Variants in HIP1 observed in about 807,000 individuals in gnomAD.
HIP1 encodes huntingtin interacting protein 1, also known as huntingtin-interacting protein 1.
In HIP1, 65 loss-of-function variants were observed where a neutral mutation model predicts 147.6. The observed-to-expected ratio is 0.44, with a 90% confidence interval of 0.36 to 0.54. HIP1 has a LOEUF of 0.54. Ranked by LOEUF, HIP1 falls within the 20% of genes least tolerant of loss-of-function variation. HIP1 has a pLI of 0.00. For missense variants in HIP1, 1,061 were observed against 1,299.6 expected (o/e 0.82, Z 2.82); for synonymous variants, 479 against 504.0 (o/e 0.95, Z 0.67).
chr7:75,672,061 A>T, intron 1 of HIP1, among the ~76,000 whole-genome samples: 1 of 152,146 alleles, frequency 6.6e-6, no homozygotes, highest in East Asian at 1.9e-4. Flanking sequence ...TATAGTAGCC[A>T]TCCTAACAGA....
chr7:75,593,804 A>G (rs1169804489), intron 2 of HIP1, among the ~76,000 whole-genome samples: 1 of 151,770 alleles, frequency 6.6e-6, no homozygotes, highest in Non-Finnish European at 1.5e-5. Context: ...CTTTGTTTAA[A>G]ATGCCCTTTC....
intron 1 of HIP1, among the ~76,000 whole-genome samples, chr7:75,690,531 G>C (rs1800412789): frequency 6.6e-6 from 1 of 152,144 alleles, no homozygotes. Context: ...ATGTGCAATG[G>C]TGTGACCACA....
At chr7:75,579,377 C>A (rs1190905988) in intron 7 of HIP1, among the ~76,000 whole-genome samples, 1 of 151,910 alleles carries the variant, frequency 6.6e-6, no homozygotes, top group East Asian at 1.9e-4. Context: ...CTGCAAACTC[C>A]GCCTCCTGAG....
At chr7:75,646,275 C>T (rs191896950) in intron 1 of HIP1, among the ~76,000 whole-genome samples, 20 of 152,246 alleles carry the variant, frequency 1.3e-4, no homozygotes, top group Admixed American at 7.9e-4. Context: ...TTAGTAGAGA[C>T]GGGGTTTCAC....
chr7:75,567,277 G>C lies in HIP1; in HGVS notation c.803+922C>G, dbSNP rs112357442. Among the ~76,000 whole-genome samples, 27 of 151,014 alleles carry C rather than the reference G, an allele frequency of 1.8e-4. 1 individual carries two copies. Among genetic ancestry groups the C allele is most frequent in the African/African-American group, 5.9e-4 (24 of 40,526 alleles). On this transcript the variant is annotated intron_variant, in intron 9 of 30. Coordinates refer to ENST00000336926, the MANE Select transcript of HIP1 (RefSeq NM_005338.7). ...GGCATTCAGAAGTAAGGTCTGGCTA[G>C]AGATGCATATTTAGGGGTTATCAGT...
intron 1 of HIP1, chr7:75,625,588 C>T (rs1798007990): frequency 6.6e-6 from 1 of 152,204 alleles, no homozygotes; most frequent in African/African-American, 2.4e-5. Context: ...GAGCAAGGCC[C>T]AGAGTTGGGG....
At chr7:75,647,343 A>G (rs1224535866) in intron 1 of HIP1, among the ~76,000 whole-genome samples, 1 of 151,180 alleles carries the variant, frequency 6.6e-6, no homozygotes, top group Non-Finnish European at 1.5e-5. Context: ...AGTTGCAGTG[A>G]GCAGAGATCG....
intron 8 of HIP1, among the ~76,000 whole-genome samples, chr7:75,570,057 C>T (rs1243220059): frequency 6.6e-6 from 1 of 151,854 alleles, no homozygotes; most frequent in East Asian, 1.9e-4. Flanking sequence ...GCCTCAGCTC[C>T]CAAGCAGCTG....
intron 1 of HIP1, among the ~76,000 whole-genome samples, chr7:75,633,430 T>A (rs1313770352): frequency 6.6e-5 from 10 of 152,070 alleles, no homozygotes; most frequent in Non-Finnish European, 1.2e-4. Flanking sequence ...GCAGCTGGGA[T>A]TACAGGCGTG....
At chr7:75,614,742 G>GAA (rs71098041) in intron 1 of HIP1, among the ~76,000 whole-genome samples, 42,102 of 150,356 alleles carry the variant, frequency 0.28, 6,714 homozygotes, top group African/African-American at 0.44. Flanking sequence ...TTTGTCACAG[G>GAA]AAAAAAAAAG....
chr7:75,569,983 G>A (rs1795553635), intron 8 of HIP1, among the ~76,000 whole-genome samples: 1 of 151,176 alleles, frequency 6.6e-6, no homozygotes, highest in Admixed American at 6.6e-5. Flanking sequence ...TTGCCAGGCT[G>A]GAGGGCAGTG....
At position 75,541,702 on chromosome 7, in the gene HIP1, G is replaced by GA. The variant is rs1177076199; in HGVS notation, c.2952+216dup. On this transcript the variant is annotated intron_variant, in intron 29 of 30. Coordinates refer to ENST00000336926, the MANE Select transcript of HIP1 (RefSeq NM_005338.7). ...CAGGACGAGACTCCGTCTCAAAAAA[G>GA]AAAAAAAACAAAACAAGACAAACAA... Among the ~76,000 whole-genome samples, 103 of 123,756 alleles carry GA rather than the reference G, an allele frequency of 8.3e-4. 1 individual carries two copies. The highest frequency in any genetic ancestry group is 3.0e-3 in the African/African-American group (94 of 31,542). 81.2% of individuals were successfully genotyped at this position (123,756 alleles called of 152,430 possible). A position where few individuals can be genotyped will look rare whatever the true frequency, so the allele number is the denominator to read the frequency against.
At position 75,568,905 on chromosome 7, in the gene HIP1, AG is replaced by A; in HGVS notation, c.746-650del. ...GCGCCTGTAATCCCAGCTACTTGGGAGGCTGAGGCAGGAGAATTGCTTGAAC... is the reference window on the plus strand; with the variant it reads ...GCGCCTGTAATCCCAGCTACTTGGGAGCTGAGGCAGGAGAATTGCTTGAAC... On this transcript the variant is annotated intron_variant, in intron 8 of 30. Transcript: ENST00000336926. This position sits in a 1 kb window ranked among gnomAD's most constrained non-coding sequence, Gnocchi z 4.1. 6.6e-6 allele frequency among the ~76,000 whole-genome samples: 1 copy of A among 152,342 alleles called. No homozygotes were observed. The highest frequency in any genetic ancestry group is 1.9e-4 in the East Asian group (1 of 5,180).
chr7:75,640,091 C>A (rs546834921), intron 1 of HIP1, among the ~76,000 whole-genome samples: 1 of 152,352 alleles, frequency 6.6e-6, no homozygotes, highest in South Asian at 2.1e-4. Context: ...GCAGTAGACA[C>A]AGCTGGTGGC....
In HIP1 at chr7:75,556,706, T is replaced by C; in HGVS notation, c.1683+4A>G. 1 of 1,591,254 alleles carries C rather than the reference T, an allele frequency of 6.3e-7. No homozygotes were observed. The highest frequency in any genetic ancestry group is 8.6e-7 in the Non-Finnish European group (1 of 1,161,366). On this transcript the variant is annotated splice_donor_region_variant and intron_variant, in intron 17 of 30. Coordinates refer to ENST00000336926, the MANE Select transcript of HIP1 (RefSeq NM_005338.7). ...ATCTCCAAAAAAAAAAAGGAGGTAT[T>C]TACCTGGGCAGAAGTTTCCAGGCTG...
At chr7:75,673,144 C>T (rs1799776898) in intron 1 of HIP1, among the ~76,000 whole-genome samples, 1 of 151,844 alleles carries the variant, frequency 6.6e-6, no homozygotes, top group Middle Eastern at 3.2e-3. Flanking sequence ...GCCTCAGCCT[C>T]CCCAGTAGCT....
chr7:75,599,190 C>T lies in HIP1; in HGVS notation c.178G>A (p.Ala60Thr), dbSNP rs782733817. 1 of 1,611,592 alleles carries T rather than the reference C, an allele frequency of 6.2e-7. No homozygotes were observed. The highest frequency in any genetic ancestry group is 8.5e-7 in the Non-Finnish European group (1 of 1,177,740). The stretch of plus-strand genomic sequence containing the variant: ...GCAACATCCAAAAGGATATTTCTGG[C>T]GTGTTTTTCCTTTACAGCCACTTCC... ...TQEVAVKEKH[A>T]RTCILGTHHE... Residue 60 changes from alanine to threonine, a missense_variant, in exon 2 of 31, where the codon GCC becomes ACC. Physicochemically the swap from Ala to Thr is moderately conservative, Grantham distance 58. Transcript: ENST00000336926.
rs587710380 is a variant in HIP1, at chr7:75,534,594, C to T, written c.*3578G>A. The T allele has an allele frequency of 5.7e-5, 10 of 175,296 alleles. No individual in the cohort carries two copies. Among genetic ancestry groups the T allele is most frequent in the Admixed American group, 1.3e-4 (2 of 15,772 alleles). 10.9% of individuals were successfully genotyped at this position (175,296 alleles called of 1,614,324 possible). A position where few individuals can be genotyped will look rare whatever the true frequency, so the allele number is the denominator to read the frequency against. ...GATTATAGGCGCCTGCCACCATGCC[C>T]GGCTAATTTTTGTATTTTTAGTAGA... On this transcript the variant is annotated 3_prime_UTR_variant, in exon 31 of 31. Transcript: ENST00000336926.
rs587663065 is a variant in HIP1, at chr7:75,550,621, C to T, written c.2296-1620G>A. ...TAGAGTCAGAGTCTTGCTTTGTAGC[C>T]CAGGCTGTATCAAACTCCTGGCCTC... On this transcript the variant is annotated intron_variant, in intron 22 of 30. Transcript: ENST00000336926. 2.1e-3 allele frequency among the ~76,000 whole-genome samples: 317 copies of T among 152,200 alleles called. 1 individual carries two copies. The highest frequency in any genetic ancestry group is 3.9e-3 in the Non-Finnish European group (266 of 68,016).
Sources: gnomAD v4.1 joint callset for allele counts (sites outside exome capture counted in the v4.1 genomes callset) on GRCh38, gnomAD v4.1.1 for gene constraint, Gnocchi (gnomAD v3.1) non-coding constraint, MANE v1.5 for transcripts, NCBI Gene and HGNC (gene_info 2026-07-23, HGNC 2026-07-21) for gene names.